Variants in KCNMA1 observed in about 807,000 individuals in gnomAD.
The protein encoded by KCNMA1 is Calcium-activated potassium channel subunit alpha-1.
Under a neutral mutation model 140.0 loss-of-function variants are expected in KCNMA1, and 29 were observed. The observed-to-expected ratio is 0.21, with a 90% confidence interval of 0.15 to 0.28. KCNMA1 has a LOEUF of 0.28. Among genes scored for constraint, KCNMA1 ranks in the 10% least tolerant of loss-of-function variants. KCNMA1 has a pLI of 1.00. For synonymous variants in KCNMA1, 612 were observed against 611.9 expected (o/e 1.00, Z 0.00); for missense variants, 880 against 1,602.2 (o/e 0.55, Z 7.70).
chr10:77,325,546 G>A (rs911492085), intron 2 of KCNMA1, among the ~76,000 whole-genome samples: 1 of 152,160 alleles, frequency 6.6e-6, no homozygotes, highest in Non-Finnish European at 1.5e-5. Flanking sequence ...GAACAGGTAG[G>A]CAAGGAGGGA....
intron 5 of KCNMA1, among the ~76,000 whole-genome samples, chr10:77,178,393 A>G (rs1338692481): frequency 6.6e-6 from 1 of 152,074 alleles, no homozygotes; most frequent in Non-Finnish European, 1.5e-5. Flanking sequence ...TTTAAATCCT[A>G]CAAGATCACC....
At chr10:77,404,062 A>C in intron 1 of KCNMA1, 39 bp from the exon 2 acceptor site, 1 of 1,602,938 alleles carries the variant, frequency 6.2e-7, no homozygotes, top group Admixed American at 1.7e-5. Context: ...CATAGGGAAC[A>C]ATGGATTTAA....
At chr10:77,334,854 G>A (rs1345887795) in intron 2 of KCNMA1, among the ~76,000 whole-genome samples, 1 of 151,998 alleles carries the variant, frequency 6.6e-6, no homozygotes, top group African/African-American at 2.4e-5. Flanking sequence ...CCCAATATAT[G>A]TAATATATTA....
intron 14 of KCNMA1, among the ~76,000 whole-genome samples, chr10:77,056,987 A>C (rs2095562797): frequency 6.6e-6 from 1 of 152,212 alleles, no homozygotes; most frequent in African/African-American, 2.4e-5. Flanking sequence ...AGCAGAAATA[A>C]TATGGTGCAG....
intron 23 of KCNMA1, among the ~76,000 whole-genome samples, chr10:76,941,159 G>GAGGA (rs1455403290): frequency 1.4e-5 from 1 of 71,332 alleles, no homozygotes; most frequent in East Asian, 3.4e-4. Flanking sequence ...GGAAGGGAGG[G>GAGGA]AAGGGAAGGA....
intron 1 of KCNMA1, among the ~76,000 whole-genome samples, chr10:77,520,128 G>A (rs1483647960): frequency 3.3e-5 from 5 of 151,816 alleles, no homozygotes; most frequent in East Asian, 1.9e-4. Context: ...TCCGGGGTAT[G>A]CAGTGTGAGG....
intron 23 of KCNMA1, among the ~76,000 whole-genome samples, chr10:76,933,533 C>G (rs1158382229): frequency 6.6e-6 from 1 of 152,178 alleles, no homozygotes; most frequent in African/African-American, 2.4e-5. Flanking sequence ...AACACTCGGC[C>G]TTTCCTGTTT....
chr10:77,002,139 G>A (rs1264170069), intron 18 of KCNMA1, among the ~76,000 whole-genome samples: 1 of 152,212 alleles, frequency 6.6e-6, no homozygotes, highest in Non-Finnish European at 1.5e-5. Flanking sequence ...TGTTAATACA[G>A]TATCTAAGGA....
chr10:76,947,060 C>T (rs536257876), intron 22 of KCNMA1, among the ~76,000 whole-genome samples: 7 of 152,174 alleles, frequency 4.6e-5, no homozygotes, highest in African/African-American at 7.2e-5. Flanking sequence ...CAGAGCCGGG[C>T]GCGGTGGCTG....
rs966770293 is a variant in KCNMA1, at chr10:76,885,255, A to T, written c.*2011T>A. ...ATTATATAGTTATATATATATAATT[A>T]TATATAGTTTATATAAAGAGATAGT... On this transcript the variant is annotated 3_prime_UTR_variant, in exon 28 of 28. Coordinates refer to ENST00000286628, the MANE Select transcript of KCNMA1 (RefSeq NM_001161352.2). 1.9e-6 allele frequency: 1 copy of T among 524,736 alleles called. No homozygotes were observed. The highest frequency in any genetic ancestry group is 2.4e-6 in the Non-Finnish European group (1 of 409,962). 32.5% of individuals were successfully genotyped at this position (524,736 alleles called of 1,614,324 possible). A position where few individuals can be genotyped will look rare whatever the true frequency, so the allele number is the denominator to read the frequency against.
Position 77,403,901 on chromosome 10 carries a change from C to T in KCNMA1, c.501G>A (p.Gly167=). The T allele has an allele frequency of 6.2e-7, 1 of 1,614,080 alleles. No homozygotes were observed. Among genetic ancestry groups the T allele is most frequent in the Non-Finnish European group, 8.5e-7 (1 of 1,180,024 alleles). ...TCAGTGTCTGGGCGGATATCATCAC[C>T]CCCGCCCAGTCCTTCACGGAGGTCA... The part of the protein sequence containing the change: ...GWMTSVKDWA[G]VMISAQTLTG... The change falls in exon 2 of 28, where the codon GGG becomes GGA. Residue 167 remains glycine (G), a synonymous_variant. Coordinates refer to ENST00000286628, the MANE Select transcript of KCNMA1 (RefSeq NM_001161352.2).
At chr10:77,344,842 A>T (rs1603269471) in intron 2 of KCNMA1, among the ~76,000 whole-genome samples, 1 of 152,212 alleles carries the variant, frequency 6.6e-6, no homozygotes, top group East Asian at 1.9e-4. Context: ...AAAGACGGAG[A>T]CCTTTCCTGT....
chr10:77,277,687 C>T (rs552579717), intron 2 of KCNMA1, among the ~76,000 whole-genome samples: 1 of 152,314 alleles, frequency 6.6e-6, no homozygotes, highest in Admixed American at 6.5e-5. Context: ...GTCGATGCAA[C>T]AGATCACATT....
At chr10:76,956,132 T>C (rs2068182599) in intron 20 of KCNMA1, among the ~76,000 whole-genome samples, 2 of 152,202 alleles carry the variant, frequency 1.3e-5, no homozygotes, top group African/African-American at 4.8e-5. Context: ...CATTTTGGTT[T>C]GGTATACTTG....
chr10:76,941,112 GAGGGAGGGAAGGGA>G (rs1318750008), intron 23 of KCNMA1, among the ~76,000 whole-genome samples: 38 of 62,866 alleles, frequency 6.0e-4, no homozygotes, highest in African/African-American at 2.4e-3. Context: ...GGGAGGGAGG[GAGGGAGGGAAGGGA>G]AGGGAAGGGA....
intron 3 of KCNMA1, among the ~76,000 whole-genome samples, chr10:77,219,795 C>T (rs1599065221): frequency 6.6e-6 from 1 of 152,078 alleles, no homozygotes; most frequent in African/African-American, 2.4e-5. Context: ...AATTTAGCAA[C>T]CTCAAGTCTT....
intron 5 of KCNMA1, among the ~76,000 whole-genome samples, chr10:77,145,615 T>G (rs1470368266): frequency 1.3e-5 from 2 of 152,220 alleles, no homozygotes; most frequent in African/African-American, 2.4e-5. Context: ...CTTGTTTTTC[T>G]GAGACAGAAG....
At chr10:77,179,647 A>G (rs757162539) in intron 5 of KCNMA1, among the ~76,000 whole-genome samples, 2 of 152,030 alleles carry the variant, frequency 1.3e-5, no homozygotes, top group African/African-American at 4.8e-5. Flanking sequence ...AGGGGTAAGG[A>G]CACAGAAAGA....
At chr10:76,986,688 T>G (rs2081350999) in intron 19 of KCNMA1, among the ~76,000 whole-genome samples, 1 of 152,190 alleles carries the variant, frequency 6.6e-6, no homozygotes, top group Admixed American at 6.5e-5. Flanking sequence ...TCTGAACAAT[T>G]AAAGGTGCAC....
Sources: allele counts gnomAD v4.1 joint callset (sites outside exome capture counted in the v4.1 genomes callset), GRCh38; gene constraint gnomAD v4.1.1; transcripts MANE v1.5; gene names NCBI Gene and HGNC (gene_info 2026-07-23, HGNC 2026-07-21).